The following ACSM2A variants were observed in gnomAD, a reference collection of about 807,000 sequenced individuals.
ACSM2A encodes the protein acyl-CoA synthetase medium chain family member 2A, also known as acyl-coenzyme A synthetase ACSM2A, mitochondrial.
In ACSM2A, 72 loss-of-function variants were observed where a neutral mutation model predicts 76.6. That is an observed-to-expected ratio of 0.94 (90% CI 0.78 to 1.14). ACSM2A has a LOEUF of 1.14. Among genes scored for constraint, ACSM2A ranks in the 50% most tolerant of loss-of-function variants. The pLI, the probability that ACSM2A is intolerant of heterozygous loss-of-function variation, is 0.00. For synonymous variants in ACSM2A, 249 were observed against 255.9 expected (o/e 0.97, Z 0.26); for missense variants, 684 against 708.5 (o/e 0.97, Z 0.39).
At chr16:20,463,665 C>A (rs1567360302) in intron 2 of ACSM2A, among the ~76,000 whole-genome samples, 1 of 152,082 alleles carries the variant, frequency 6.6e-6, no homozygotes, top group Non-Finnish European at 1.5e-5. Context: ...TAACTGTGAG[C>A]CAATTAAACT....
intron 9 of ACSM2A, 93 bp from the exon 10 acceptor site, chr16:20,478,483 G>T: frequency 6.9e-7 from 1 of 1,446,728 alleles, no homozygotes. Context: ...AGAGCAAGAG[G>T]GTCTTTCATT....
At chr16:20,478,718 A>G in intron 10 of ACSM2A, 41 bp downstream of exon 10, 2 of 1,584,702 alleles carry the variant, frequency 1.3e-6, no homozygotes, top group South Asian at 1.1e-5. Flanking sequence ...CCCAGTGAGG[A>G]TGGGAGCACT....
At chr16:20,455,747 C>T (rs1325356217) in intron 1 of ACSM2A, among the ~76,000 whole-genome samples, 1 of 143,802 alleles carries the variant, frequency 7.0e-6, no homozygotes, top group Non-Finnish European at 1.5e-5. Flanking sequence ...AAAAAAAAAA[C>T]CCAAGCTACA....
chr16:20,475,474 T>C (rs745409748), intron 7 of ACSM2A, 33 bp downstream of exon 7: 1 of 1,612,636 alleles, frequency 6.2e-7, no homozygotes, highest in Non-Finnish European at 8.5e-7. Flanking sequence ...TAAGAGAGTC[T>C]GGCCCCATCC....
intron 7 of ACSM2A, 25 bp downstream of exon 7, chr16:20,475,466 A>G: frequency 3.7e-6 from 6 of 1,613,422 alleles, no homozygotes; most frequent in Non-Finnish European, 5.1e-6. Flanking sequence ...AGGATTGGTA[A>G]GAGAGTCTGG....
rs1491361042 is a variant in ACSM2A at position 20,469,873 on chromosome 16, T to TTG, written c.596+155_596+156insGT. ...AGAAATAAAAGCTAACACAAGGGTA[T>TTG]TTTTTTTTTTTTTTTTTTTTTTTCA... is the stretch of plus-strand genomic sequence containing the variant. On this transcript the variant is annotated intron_variant, in intron 4 of 13. Transcript: ENST00000573854. 4.4e-3 allele frequency among the ~76,000 whole-genome samples: 95 copies of TTG among 21,394 alleles called. 1 individual carries two copies. Among genetic ancestry groups the TTG allele is most frequent in the African/African-American group, 0.034 (91 of 2,640 alleles). 14.0% of individuals were successfully genotyped at this position (21,394 alleles called of 152,430 possible). A position where few individuals can be genotyped will look rare whatever the true frequency, so the allele number is the denominator to read the frequency against.
At chr16:20,482,887 G>A (rs1416662519) in intron 12 of ACSM2A, 171 bp from the exon 13 acceptor site, 2 of 1,077,948 alleles carry the variant, frequency 1.9e-6, no homozygotes, top group African/African-American at 3.2e-5. Flanking sequence ...TTCAGAGAGA[G>A]CTGTAACCTC....
intron 10 of ACSM2A, among the ~76,000 whole-genome samples, chr16:20,479,274 T>C (rs1200763249): frequency 2.6e-5 from 4 of 152,292 alleles, no homozygotes; most frequent in South Asian, 2.1e-4. Context: ...AGAGAATTGA[T>C]TAATAAACTA....
At position 20,465,530 on chromosome 16, in the gene ACSM2A, T is replaced by G. The variant is rs7187246; in HGVS notation, c.191T>G (p.Leu64Arg). The G allele has an allele frequency of 6.3e-7, 1 of 1,598,932 alleles. No individual in the cohort carries two copies. Among genetic ancestry groups the G allele is most frequent in the African/African-American group, 1.4e-5 (1 of 73,072 alleles). Reference protein sequence around the residue: ...WADMEKAGKRLPSPALWWVNG... With the variant: ...WADMEKAGKRRPSPALWWVNG... ...CTCTTTCCTCAGGCTGGCAAGCGAC[T>G]CCCAAGCCCAGCCCTGTGGTGGGTG... Residue 64 changes from leucine to arginine, a missense_variant, in exon 3 of 14, where the codon CTC (leucine) becomes CGC (arginine). Physicochemically the swap from Leu to Arg is moderately radical, Grantham distance 102. Coordinates refer to ENST00000573854, the MANE Select transcript of ACSM2A (RefSeq NM_001308172.2).
intron 1 of ACSM2A, chr16:20,452,535 G>C (rs1333504393): frequency 4.9e-5 from 6 of 122,786 alleles, no homozygotes; most frequent in African/African-American, 2.1e-4. Flanking sequence ...ACATACATAT[G>C]TTAATACTTA....
Position 20,477,570 on chromosome 16 carries a change from GA to G in ACSM2A, c.1179+128del. The G allele has an allele frequency of 2.1e-6, 3 of 1,437,794 alleles. No individual in the cohort carries two copies. In the South Asian group the frequency reaches 5.3e-5, roughly 25 times the overall value. The allele number at this position is 1,437,794 out of a possible 1,614,324, so 89.1% of individuals were successfully genotyped here. A position where few individuals can be genotyped will look rare whatever the true frequency, so the allele number is the denominator to read the frequency against. On this transcript the variant is annotated intron_variant, in intron 9 of 13. Transcript: ENST00000573854. ...AAGTACTGATATTAAGATAACATAA[GA>G]AAAAAAGGAGGTAGGGAGGTTGGGG... is the stretch of plus-strand genomic sequence containing the variant.
chr16:20,465,901 C>G (rs1326354415), intron 3 of ACSM2A, among the ~76,000 whole-genome samples, 174 bp downstream of exon 3: 2 of 152,154 alleles, frequency 1.3e-5, no homozygotes, highest in Non-Finnish European at 2.9e-5. Context: ...ATGTGCCAAG[C>G]ACTTATGCAG....
chr16:20,462,791 G>A (rs950630385), intron 2 of ACSM2A, among the ~76,000 whole-genome samples: 2 of 152,012 alleles, frequency 1.3e-5, no homozygotes, highest in South Asian at 4.2e-4. Flanking sequence ...TTAAAAAATA[G>A]AATTCCCATT....
At chr16:20,482,944 G>C in intron 12 of ACSM2A, 114 bp from the exon 13 acceptor site, 2 of 1,483,944 alleles carry the variant, frequency 1.3e-6, no homozygotes, top group Middle Eastern at 2.2e-4. Flanking sequence ...GGATCACCGG[G>C]GGTGCAAATG....
chr16:20,478,982 C>T (rs1299366712), intron 10 of ACSM2A, among the ~76,000 whole-genome samples: 3 of 152,160 alleles, frequency 2.0e-5, no homozygotes, highest in Admixed American at 6.5e-5. Context: ...AGCACCATTC[C>T]CCCAAGGGCT....
At chr16:20,457,319 C>T (rs1243295314) in intron 1 of ACSM2A, among the ~76,000 whole-genome samples, 1 of 151,984 alleles carries the variant, frequency 6.6e-6, no homozygotes, top group Non-Finnish European at 1.5e-5. Flanking sequence ...TTCTATGAAG[C>T]CAGTATTACC....
intron 8 of ACSM2A, chr16:20,477,008 G>C (rs1285822565): frequency 5.2e-6 from 1 of 191,518 alleles, no homozygotes; most frequent in Non-Finnish European, 1.0e-5. Context: ...AAAAATAAAA[G>C]TAGTATATTT....
chr16:20,469,739 A>C lies in ACSM2A; in HGVS notation c.596+20A>C. 3.1e-6 allele frequency: 5 copies of C among 1,613,416 alleles called. No individual in the cohort carries two copies. Among genetic ancestry groups the C allele is most frequent in the Non-Finnish European group, 4.2e-6 (5 of 1,179,454 alleles). On this transcript the variant is annotated intron_variant, in intron 4 of 13. Coordinates refer to ENST00000573854, the MANE Select transcript of ACSM2A (RefSeq NM_001308172.2). ...ACTAAAGTGAGTATCTACATGTCTCAGCCTGGGTTTTAACTAAAACTGGAA... is the reference window on the plus strand; with the variant it reads ...ACTAAAGTGAGTATCTACATGTCTCCGCCTGGGTTTTAACTAAAACTGGAA...
intron 1 of ACSM2A, among the ~76,000 whole-genome samples, chr16:20,458,234 G>A (rs1479747828): frequency 1.3e-5 from 2 of 150,370 alleles, no homozygotes; most frequent in East Asian, 3.9e-4. Flanking sequence ...ATTGCCAAAA[G>A]CAATATACAA....
Sources: allele counts gnomAD v4.1 joint callset (sites outside exome capture counted in the v4.1 genomes callset), GRCh38; gene constraint gnomAD v4.1.1; transcripts MANE v1.5; gene names NCBI Gene and HGNC (gene_info 2026-07-23, HGNC 2026-07-21).